Variants in DCAF15 observed in about 807,000 individuals in gnomAD.
DCAF15 encodes DDB1 and CUL4 associated factor 15.
In DCAF15, 24 loss-of-function variants were observed where a neutral mutation model predicts 68.0. The ratio of observed to expected loss-of-function variants is 0.35; its 90% CI spans 0.26 to 0.50. DCAF15 has a LOEUF of 0.50. Among genes scored for constraint, DCAF15 ranks in the 20% least tolerant of loss-of-function variants. The pLI, the probability that DCAF15 is intolerant of heterozygous loss-of-function variation, is 0.98. For synonymous variants in DCAF15, 376 were observed against 341.6 expected (o/e 1.10, Z -1.11); for missense variants, 627 against 830.6 (o/e 0.75, Z 3.01).
rs963495120 is a variant in DCAF15, at chr19:13,961,052, C to T, written c.*57C>T. The T allele has an allele frequency of 3.7e-6, 6 of 1,607,152 alleles. No individual in the cohort carries two copies. In the African/African-American group the frequency reaches 8.0e-5, roughly 21 times the overall value. ...TACCTCCGTGGCCTGGGACCGGCCCCCTTCCTGGGGTGGCCTCTTCCTGGC... is the reference window on the plus strand; with the variant it reads ...TACCTCCGTGGCCTGGGACCGGCCCTCTTCCTGGGGTGGCCTCTTCCTGGC... On this transcript the variant is annotated 3_prime_UTR_variant, in exon 13 of 13. Transcript: ENST00000254337.
At chr19:13,953,959 T>C (rs1383575393) in intron 1 of DCAF15, among the ~76,000 whole-genome samples, 1 of 152,062 alleles carries the variant, frequency 6.6e-6, no homozygotes, top group African/African-American at 2.4e-5. Flanking sequence ...CCAGCCTCCT[T>C]AGTAGGATAA....
At chr19:13,957,619 C>T (rs935053320) in intron 6 of DCAF15, among the ~76,000 whole-genome samples, 7 of 152,120 alleles carry the variant, frequency 4.6e-5, no homozygotes, top group African/African-American at 1.4e-4. Context: ...ATTAAAAAGA[C>T]GATTTAGGCC....
chr19:13,953,231 TC>T, intron 1 of DCAF15: 1 of 1,228,788 alleles, frequency 8.1e-7, no homozygotes, highest in Non-Finnish European at 1.1e-6. Context: ...GACTGGAAAC[TC>T]CCAGAGCTGG....
At chr19:13,954,761 C>A in intron 3 of DCAF15, 100 bp downstream of exon 3, 1 of 1,286,104 alleles carries the variant, frequency 7.8e-7, no homozygotes, top group Non-Finnish European at 1.1e-6. Flanking sequence ...AAATGATCAT[C>A]ATGTACTCCT....
In DCAF15 at chr19:13,959,177, G is replaced by C. The variant is rs369708095; in HGVS notation, c.917G>C (p.Arg306Pro). The C allele has an allele frequency of 2.0e-5, 32 of 1,612,396 alleles. No individual in the cohort carries two copies. The African/African-American group carries it at 4.3e-4, about 22-fold the overall frequency. Residue 306 changes from arginine (R) to proline (P), a missense_variant, in exon 7 of 13, where the codon CGT becomes CCT. Arg to Pro is a moderately radical substitution (Grantham distance 103). Transcript: ENST00000254337. ...TTCTGCCCTGAGGCGGCCCCAGCCC[G>C]TTCTTCTGGGTCTCCTGAGCCCTCG... ...PSFCPEAAPA[R>P]SSGSPEPSPA... is the part of the protein sequence containing the mutation.
chr19:13,957,309 C>T (rs545472650), intron 6 of DCAF15, among the ~76,000 whole-genome samples: 38 of 152,246 alleles, frequency 2.5e-4, no homozygotes, highest in African/African-American at 9.1e-4. Flanking sequence ...GGGAGGGGGC[C>T]CCGGGGGCCA....
rs977128464 is a variant in DCAF15, at chr19:13,954,671, C to T, written c.366+10C>T. The T allele has an allele frequency of 3.1e-6, 5 of 1,613,956 alleles. No individual in the cohort carries two copies. Among genetic ancestry groups the T allele is most frequent in the Non-Finnish European group, 4.2e-6 (5 of 1,179,862 alleles). On this transcript the variant is annotated intron_variant, in intron 3 of 12. Transcript: ENST00000254337. The stretch of plus-strand genomic sequence containing the variant: ...CAGCAAGCTCAAGCTGGTAGGGAGG[C>T]TTCAACACCAGGCTGGCCCTTCAGA...
intron 1 of DCAF15, chr19:13,953,303 T>G: frequency 2.6e-5 from 16 of 614,432 alleles, no homozygotes; most frequent in East Asian, 3.4e-5. Context: ...TGTGGATCTC[T>G]TGCAGGTGGG....
chr19:13,953,473 C>A, intron 1 of DCAF15: 1 of 219,900 alleles, frequency 4.5e-6, no homozygotes, highest in Non-Finnish European at 9.1e-6. Context: ...CTGGGCTTGG[C>A]TGTGGTTCCG....
Position 13,960,317 on chromosome 19 carries a change from G to C in DCAF15, c.1557G>C (p.Val519=). Residue 519 remains valine, a synonymous_variant, in exon 11 of 13, where the codon GTG becomes GTC. Coordinates refer to ENST00000254337, the MANE Select transcript of DCAF15 (RefSeq NM_138353.4). The part of the protein sequence containing the change: ...RPKTYHTSLK[V]AWDLNTGIFE... ...AGACCTATCACACCAGCCTCAAGGTGGCATGGGACCTCAACACAGGGATCT... is the reference window on the plus strand; with the variant it reads ...AGACCTATCACACCAGCCTCAAGGTCGCATGGGACCTCAACACAGGGATCT... The C allele has an allele frequency of 6.2e-7, 1 of 1,614,100 alleles. No homozygotes were observed. Among genetic ancestry groups the C allele is most frequent in the Non-Finnish European group, 8.5e-7 (1 of 1,180,032 alleles).
At chr19:13,953,244 G>A (rs1973170377) in intron 1 of DCAF15, 1 of 1,086,540 alleles carries the variant, frequency 9.2e-7, no homozygotes, top group Non-Finnish European at 1.3e-6. Context: ...CAGAGCTGGG[G>A]GATGATGTCT....
Position 13,954,589 on chromosome 19 carries a change from G to C in DCAF15, c.294G>C (p.Gly98=). ...TCCTCTCCTACACCAGCAGCAGTGG[G>C]GATGACGACTTCTCCTTCTACATCT... is the stretch of plus-strand genomic sequence containing the variant. ...RYVLSYTSSS[G]DDDFSFYIYH... The change falls in exon 3 of 13, where the codon GGG becomes GGC. Residue 98 remains glycine (G), a synonymous_variant. Coordinates refer to ENST00000254337, the MANE Select transcript of DCAF15 (RefSeq NM_138353.4). 6.2e-7 allele frequency: 1 copy of C among 1,614,202 alleles called. No individual in the cohort carries two copies. Among genetic ancestry groups the C allele is most frequent in the Non-Finnish European group, 8.5e-7 (1 of 1,180,036 alleles).
At position 13,961,043 on chromosome 19, in the gene DCAF15, G is replaced by T. The variant is rs1283490821; in HGVS notation, c.*48G>T. 6.2e-7 allele frequency: 1 copy of T among 1,609,790 alleles called. No homozygotes were observed. The highest frequency in any genetic ancestry group is 1.1e-5 in the South Asian group (1 of 91,000). On this transcript the variant is annotated 3_prime_UTR_variant, in exon 13 of 13. Coordinates refer to ENST00000254337, the MANE Select transcript of DCAF15 (RefSeq NM_138353.4). ...GACTCCAACTACCTCCGTGGCCTGG[G>T]ACCGGCCCCCTTCCTGGGGTGGCCT... is the stretch of plus-strand genomic sequence containing the variant.
chr19:13,959,894 A>AG lies in DCAF15; in HGVS notation c.1440+1dup. 2 of 1,499,470 alleles carry AG rather than the reference A, an allele frequency of 1.3e-6. No homozygotes were observed. Among genetic ancestry groups the AG allele is most frequent in the Non-Finnish European group, 1.8e-6 (2 of 1,097,624 alleles). 92.9% of individuals were successfully genotyped at this position (1,499,470 alleles called of 1,614,324 possible). On this transcript the variant is annotated frameshift_variant and splice_region_variant, in exon 9 of 13. Coordinates refer to ENST00000254337, the MANE Select transcript of DCAF15 (RefSeq NM_138353.4). LOFTEE classifies it high-confidence loss of function. ...AGCGACTATGACATCGTCATTCTGG[A>AG]GGTGGGCCCAGGGCGGGCAGGGTGG...
At chr19:13,953,010 C>T (rs1462761032) in intron 1 of DCAF15, 19 of 1,280,294 alleles carry the variant, frequency 1.5e-5, no homozygotes, top group Admixed American at 2.0e-5. Flanking sequence ...CATAATGGAA[C>T]CTTCCCGCCC....
In DCAF15 at chr19:13,961,298, C is replaced by A. The variant is rs541957357; in HGVS notation, c.*303C>A. The A allele has an allele frequency of 4.0e-6, 2 of 495,544 alleles. No homozygotes were observed. Among genetic ancestry groups the A allele is most frequent in the Non-Finnish European group, 7.4e-6 (2 of 270,576 alleles). The allele number at this position is 495,544 out of a possible 1,614,324, so 30.7% of individuals were successfully genotyped here. On this transcript the variant is annotated 3_prime_UTR_variant, in exon 13 of 13. Coordinates refer to ENST00000254337, the MANE Select transcript of DCAF15 (RefSeq NM_138353.4). ...GCCCCTCGTGCATTTGCCCTTTTCT[C>A]GGCTACAGCTGTGGACGTTGCCCTC...
rs1023413514 is a variant in DCAF15 at position 13,961,304 on chromosome 19, C to T, written c.*309C>T. 24 of 472,708 alleles carry T rather than the reference C, an allele frequency of 5.1e-5. No homozygotes were observed. The highest frequency in any genetic ancestry group is 4.1e-4 in the African/African-American group (21 of 51,210). 29.3% of individuals were successfully genotyped at this position (472,708 alleles called of 1,614,324 possible). On this transcript the variant is annotated 3_prime_UTR_variant, in exon 13 of 13. Transcript: ENST00000254337. ...CGTGCATTTGCCCTTTTCTCGGCTA[C>T]AGCTGTGGACGTTGCCCTCGGGGAG...
intron 3 of DCAF15, among the ~76,000 whole-genome samples, chr19:13,955,187 G>C (rs997458739): frequency 3.3e-5 from 5 of 152,156 alleles, no homozygotes; most frequent in Non-Finnish European, 5.9e-5. Flanking sequence ...TTGGGAGCCC[G>C]AGGTGGGTGG....
chr19:13,959,641 C>G lies in DCAF15; in HGVS notation c.1279C>G (p.Leu427Val). 1 of 1,613,552 alleles carries G rather than the reference C, an allele frequency of 6.2e-7. No homozygotes were observed. The highest frequency in any genetic ancestry group is 8.5e-7 in the Non-Finnish European group (1 of 1,179,950). Reference sequence around the variant, plus strand: ...GGTGACTGATCTTCGTGGCCGCAACCTGCGGCCCATGCGGGAGCGGACTGC... The same window carrying G: ...GGTGACTGATCTTCGTGGCCGCAACGTGCGGCCCATGCGGGAGCGGACTGC... Reference protein sequence around the residue: ...FVVTDLRGRNLRPMRERTAVQ... With the variant: ...FVVTDLRGRNVRPMRERTAVQ... Residue 427 changes from leucine (L) to valine (V), a missense_variant, in exon 8 of 13, where the codon CTG becomes GTG. This residue lies in a region of DCAF15 where 236 missense variants were observed against 225.1 expected (regional missense o/e 1.05). Transcript: ENST00000254337.
Sources: gnomAD v4.1 joint callset for allele counts (sites outside exome capture counted in the v4.1 genomes callset) on GRCh38, gnomAD v4.1.1 for gene constraint, gnomAD v4.1.1 regional missense constraint, MANE v1.5 for transcripts, NCBI Gene and HGNC (gene_info 2026-07-23, HGNC 2026-07-21) for gene names.